The following PFKFB3 variants were observed in gnomAD, a reference collection of about 807,000 sequenced individuals.
PFKFB3 encodes 6-phosphofructo-2-kinase/fructose-2,6-bisphosphatase 3.
A neutral mutation model predicts 68.0 loss-of-function variants in PFKFB3; 33 were observed. The observed-to-expected ratio is 0.49, with a 90% CI of 0.37 to 0.65. PFKFB3 has a LOEUF of 0.65. Among genes scored for constraint, PFKFB3 ranks in the 30% least tolerant of loss-of-function variants. The pLI is 0.00. For missense variants in PFKFB3, 586 were observed against 712.2 expected (o/e 0.82, Z 2.02); for synonymous variants, 315 against 288.2 (o/e 1.09, Z -0.94).
chr10:6,300,348 G>A, the PFKFB3 span, among the ~76,000 whole-genome samples: 57 of 152,216 alleles, frequency 3.7e-4, no homozygotes, highest in East Asian at 1.4e-3. Context: ...GACCTGGCAC[G>A]TAACAGATGT....
intron 13 of PFKFB3, chr10:6,225,011 A>T: frequency 2.4e-6 from 1 of 410,794 alleles, no homozygotes; most frequent in South Asian, 1.8e-5. Flanking sequence ...GCGCTTCAGG[A>T]GACCTCGAGG....
chr10:6,227,045 C>T (rs868693407), intron 14 of PFKFB3, among the ~76,000 whole-genome samples: 5 of 151,768 alleles, frequency 3.3e-5, no homozygotes, highest in African/African-American at 9.7e-5. Context: ...GAGATGGTGC[C>T]ACTGCACTCC....
chr10:6,292,044 C>T, the PFKFB3 span, among the ~76,000 whole-genome samples: 1 of 148,090 alleles, frequency 6.8e-6, no homozygotes, highest in South Asian at 2.2e-4. Context: ...ACCTCCACCT[C>T]CCGAGTTCAA....
chr10:6,176,134 A>G (rs1842460026), intron 1 of PFKFB3, among the ~76,000 whole-genome samples: 1 of 152,244 alleles, frequency 6.6e-6, no homozygotes, highest in Non-Finnish European at 1.5e-5. Flanking sequence ...AAGGATGAAG[A>G]AGAACCAGCT....
chr10:6,169,042 G>A (rs1280735617), intron 1 of PFKFB3, among the ~76,000 whole-genome samples: 1 of 151,798 alleles, frequency 6.6e-6, no homozygotes, highest in Non-Finnish European at 1.5e-5. Flanking sequence ...CCTGGTTCAA[G>A]CAATTATCTT....
downstream of PFKFB3, among the ~76,000 whole-genome samples, chr10:6,256,421 G>GCAT (rs534455892): frequency 2.0e-5 from 3 of 152,170 alleles, no homozygotes; most frequent in South Asian, 6.2e-4. Context: ...CCAAGGATGT[G>GCAT]CATGACAGTA....
chr10:6,200,659 C>CGGG (rs57019530), upstream of PFKFB3, among the ~76,000 whole-genome samples: 8 of 68,958 alleles, frequency 1.2e-4, no homozygotes, highest in Admixed American at 2.6e-4. Context: ...ATGTAAGGAG[C>CGGG]GGGGGGGGGG....
chr10:6,305,215 C>T, the PFKFB3 span, among the ~76,000 whole-genome samples: 9 of 126,392 alleles, frequency 7.1e-5, no homozygotes, highest in African/African-American at 2.9e-5. Flanking sequence ...GTAGAGATGA[C>T]ATCTCACTAT....
At chr10:6,317,754 A>G in the PFKFB3 span, among the ~76,000 whole-genome samples, 8 of 152,190 alleles carry the variant, frequency 5.3e-5, no homozygotes, top group Non-Finnish European at 8.8e-5. Context: ...CTGTGTGGTC[A>G]TGTAAAATGG....
intron 1 of PFKFB3, among the ~76,000 whole-genome samples, chr10:6,161,592 A>G (rs1056465230): frequency 6.6e-6 from 1 of 151,246 alleles, no homozygotes; most frequent in African/African-American, 2.4e-5. Flanking sequence ...ACACATATAT[A>G]TATACACACA....
chr10:6,220,953 G>C lies in PFKFB3; in HGVS notation c.831+88G>C, dbSNP rs1354625553. ...GGGTGGGGAGCTGTGTGCTGCTGCTGCTGCTGCTGCTGCTGCTTGGTGTGC... is the reference window on the plus strand; with the variant it reads ...GGGTGGGGAGCTGTGTGCTGCTGCTCCTGCTGCTGCTGCTGCTTGGTGTGC... On this transcript the variant is annotated intron_variant, in intron 8 of 14. Coordinates refer to ENST00000379775, the MANE Select transcript of PFKFB3 (RefSeq NM_004566.4). This position sits in a 1 kb window ranked among gnomAD's most constrained non-coding sequence, Gnocchi z 4.1. The C allele has an allele frequency of 8.4e-7, 1 of 1,186,206 alleles. No individual in the cohort carries two copies. Among genetic ancestry groups the C allele is most frequent in the Non-Finnish European group, 1.2e-6 (1 of 807,708 alleles). The allele number at this position is 1,186,206 out of a possible 1,614,324, so 73.5% of individuals were successfully genotyped here. A position where few individuals can be genotyped will look rare whatever the true frequency, so the allele number is the denominator to read the frequency against.
chr10:6,296,605 G>A, the PFKFB3 span, among the ~76,000 whole-genome samples: 1 of 152,202 alleles, frequency 6.6e-6, no homozygotes, highest in Non-Finnish European at 1.5e-5. Context: ...TAGGAAAGAG[G>A]TGGGCAATTC....
At chr10:6,152,165 G>T (rs766483567) in intron 1 of PFKFB3, 3 of 154,500 alleles carry the variant, frequency 1.9e-5, no homozygotes, top group Non-Finnish European at 4.4e-5. Context: ...GGCCACTAAT[G>T]GGTGGTGACC....
chr10:6,232,388 G>A (rs567252612), intron 14 of PFKFB3, among the ~76,000 whole-genome samples: 6 of 150,840 alleles, frequency 4.0e-5, no homozygotes, highest in Non-Finnish European at 8.9e-5. Flanking sequence ...TCCCCACCAC[G>A]TCCAGCCATT....
In PFKFB3 at chr10:6,147,913, G is replaced by A. The variant is rs1245931063; in HGVS notation, c.16+2900G>A. Among the ~76,000 whole-genome samples, 4 of 152,194 alleles carry A rather than the reference G, an allele frequency of 2.6e-5. No individual in the cohort carries two copies. In the East Asian group the frequency reaches 5.8e-4, roughly 22 times the overall value. On this transcript the variant is annotated intron_variant, in intron 1 of 14. Coordinates refer to the PFKFB3 transcript ENST00000379789. ...TGGATTTCCCTTTTGGAGGAGAGAG[G>A]GTCTTCAGGGTACAACAGAGAAGCA...
chr10:6,221,260 C>G, intron 8 of PFKFB3, 121 bp from the exon 9 acceptor site: 1 of 1,234,914 alleles, frequency 8.1e-7, no homozygotes. Flanking sequence ...TCCCAGTGGC[C>G]TGGGGCCCCC....
At chr10:6,170,909 C>A (rs1235375956) in intron 1 of PFKFB3, among the ~76,000 whole-genome samples, 2 of 152,094 alleles carry the variant, frequency 1.3e-5, no homozygotes, top group Non-Finnish European at 2.9e-5. Context: ...ATGACAGGTC[C>A]CCAGGGGAAA....
At position 6,215,265 on chromosome 10, in the gene PFKFB3, A is replaced by G. The variant is rs376208847; in HGVS notation, c.247A>G (p.Ser83Gly). The change falls in exon 3 of 15, where the codon AGC becomes GGC. Residue 83 changes from serine to glycine, a missense_variant. Transcript: ENST00000379775. The surrounding 1 kb of genome is among the most constrained non-coding windows in gnomAD (Gnocchi z 4.3). ...TCGCCGGGAGGCTGTGAAGCAGTAC[A>G]GCTCCTACAACTTCTTCCGCCCCGA... is the stretch of plus-strand genomic sequence containing the variant. ...EYRREAVKQY[S>G]SYNFFRPDNE... The G allele has an allele frequency of 2.0e-5, 32 of 1,613,926 alleles. No homozygotes were observed. In the African/African-American group the frequency reaches 2.3e-4, roughly 11 times the overall value.
At chr10:6,282,293 G>C in the PFKFB3 span, among the ~76,000 whole-genome samples, 1 of 152,178 alleles carries the variant, frequency 6.6e-6, no homozygotes, top group Non-Finnish European at 1.5e-5. Context: ...CTTTGGGTCA[G>C]ATTCTCAAGA....
Sources: allele counts gnomAD v4.1 joint callset (sites outside exome capture counted in the v4.1 genomes callset), GRCh38; gene constraint gnomAD v4.1.1; non-coding constraint Gnocchi (gnomAD v3.1); transcripts MANE v1.5; gene names NCBI Gene and HGNC (gene_info 2026-07-23, HGNC 2026-07-21).